The following PPP2R3B variants were observed in gnomAD, a reference collection of about 807,000 sequenced individuals.
PPP2R3B encodes the protein serine/threonine-protein phosphatase 2A regulatory subunit B'' subunit beta.
In PPP2R3B, 68 loss-of-function variants were observed where a neutral mutation model predicts 72.9. That is an observed-to-expected ratio of 0.93 (90% CI 0.77 to 1.14). The LOEUF (loss-of-function observed/expected upper bound fraction) is 1.14. PPP2R3B is among the 50% of genes most tolerant of loss of function. The pLI, the probability that PPP2R3B is intolerant of heterozygous loss-of-function variation, is 0.00. For synonymous variants in PPP2R3B, 466 were observed against 375.8 expected (o/e 1.24, Z -2.78); for missense variants, 1,018 against 842.0 (o/e 1.21, Z -2.59).
At chrX:369,402 G>A (rs2071806029) in intron 1 of PPP2R3B, among the ~76,000 whole-genome samples, 1 of 152,210 alleles carries the variant, frequency 6.6e-6, no homozygotes, top group Non-Finnish European at 1.5e-5. Flanking sequence ...AGCTATTTCT[G>A]TTGAGGGCAC....
intron 7 of PPP2R3B, 128 bp downstream of exon 7, chrX:345,388 C>CG (rs748787395): frequency 3.1e-6 from 4 of 1,297,952 alleles, no homozygotes; most frequent in Non-Finnish European, 3.2e-6. Context: ...GCGGCGAGTG[C>CG]GAAGGAGAGG....
At chrX:370,330 C>T (rs1229213148) in intron 1 of PPP2R3B, among the ~76,000 whole-genome samples, 2 of 152,172 alleles carry the variant, frequency 1.3e-5, no homozygotes, top group Non-Finnish European at 2.9e-5. Context: ...GCCGAGCAAC[C>T]GGGCCTCAAC....
rs780930997 is a variant in PPP2R3B at position 341,314 on chromosome X, G to A, written c.1168C>T (p.Pro390Ser). The change falls in exon 9 of 13, where the codon CCG (proline) becomes TCG (serine). Residue 390 changes from proline to serine, a missense_variant. Coordinates refer to ENST00000390665, the MANE Select transcript of PPP2R3B (RefSeq NM_013239.5). ...GCCGCAGCAGGAACCCACCTGGTCG[G>A]TGTTTTTTTGTCTTCCTCAGAGATC... is the stretch of plus-strand genomic sequence containing the variant. ...FLISEEDKKT[P>S]TSIEYWFRCM... 1.2e-5 allele frequency: 19 copies of A among 1,612,528 alleles called. No individual in the cohort carries two copies. Among genetic ancestry groups the A allele is most frequent in the Non-Finnish European group, 1.5e-5 (18 of 1,179,756 alleles).
At chrX:346,461 G>T (rs2071216584) in intron 5 of PPP2R3B, 2 of 629,552 alleles carry the variant, frequency 3.2e-6, no homozygotes, top group Non-Finnish European at 5.3e-6. Flanking sequence ...GGCCGGGGAC[G>T]CCCCGGAGCT....
intron 1 of PPP2R3B, among the ~76,000 whole-genome samples, chrX:384,282 CTA>C (rs57842842): frequency 2.5e-4 from 35 of 140,018 alleles, no homozygotes; most frequent in East Asian, 1.9e-3. Flanking sequence ...CTCTCTCTCT[CTA>C]TATATATATA....
At chrX:373,656 A>G in intron 1 of PPP2R3B, 1 of 266,606 alleles carries the variant, frequency 3.8e-6, no homozygotes. Context: ...GCGGAGTCGC[A>G]TGCCGCCGGC....
At position 346,443 on chromosome X, in the gene PPP2R3B, GA is replaced by G. The variant is rs2071215825; in HGVS notation, c.793-184del. The G allele has an allele frequency of 2.1e-5, 14 of 658,348 alleles. No homozygotes were observed. The South Asian group carries it at 2.6e-4, about 12-fold the overall frequency. The allele number at this position is 658,348 out of a possible 1,614,324, so 40.8% of individuals were successfully genotyped here. On this transcript the variant is annotated intron_variant, in intron 5 of 12. Coordinates refer to ENST00000390665, the MANE Select transcript of PPP2R3B (RefSeq NM_013239.5). ...GCCGCCCCAGGCCGCGGAAAGCGGG[GA>G]GGGTCTGGCCGGGGACGCCCCGGAG...
rs2071047112 is a variant in PPP2R3B at position 340,822 on chromosome X, G to A, written c.1294C>T (p.Leu432=). Reference sequence around the variant, plus strand: ...TGGCAGAGGCAGTCCTGGAAGGGCAGGGCCTCGATGGCCATGCTGTCCAGC... The same window carrying A: ...TGGCAGAGGCAGTCCTGGAAGGGCAAGGCCTCGATGGCCATGCTGTCCAGC... ...RRLDSMAIEA[L]PFQDCLCQML... The change falls in exon 10 of 13, where the codon CTG becomes TTG. Residue 432 remains leucine, a synonymous_variant. Transcript: ENST00000390665. 2 of 1,610,028 alleles carry A rather than the reference G, an allele frequency of 1.2e-6. No homozygotes were observed. The highest frequency in any genetic ancestry group is 1.7e-6 in the Non-Finnish European group (2 of 1,179,374).
rs1556133052 is a variant in PPP2R3B, at chrX:346,100, A to AGAGG, written c.879+73_879+74insCCTC. ...GGGAGGGGAGGAGGGAGGGGGGAGG[A>AGAGG]GGGAAGGGAAGGGAGTGGAGGTAGG... On this transcript the variant is annotated intron_variant, in intron 6 of 12. Coordinates refer to ENST00000390665, the MANE Select transcript of PPP2R3B (RefSeq NM_013239.5). 1.5e-5 allele frequency: 10 copies of AGAGG among 656,386 alleles called. 2 individuals carry two copies. Among genetic ancestry groups the AGAGG allele is most frequent in the Middle Eastern group, 8.1e-4 (2 of 2,462 alleles). 40.7% of individuals were successfully genotyped at this position (656,386 alleles called of 1,614,324 possible). A position where few individuals can be genotyped will look rare whatever the true frequency, so the allele number is the denominator to read the frequency against.
intron 2 of PPP2R3B, among the ~76,000 whole-genome samples, chrX:354,248 GGGGGCTCACCCAAACACCA>G (rs1285457556): frequency 1.4e-4 from 8 of 56,122 alleles, no homozygotes; most frequent in African/African-American, 3.8e-4. Context: ...CCCAAACACT[GGGGGCTCACCCAAACACCA>G]GGGGCTCACC....
chrX:378,327 C>T (rs772543810), intron 1 of PPP2R3B, among the ~76,000 whole-genome samples: 1 of 152,350 alleles, frequency 6.6e-6, no homozygotes, highest in East Asian at 1.9e-4. Context: ...AATCTCTTCA[C>T]TTTTCATTCT....
chrX:382,601 G>T (rs2072151259), intron 1 of PPP2R3B, among the ~76,000 whole-genome samples: 1 of 152,152 alleles, frequency 6.6e-6, no homozygotes. Flanking sequence ...CTCCAGGAGA[G>T]AAATGATGTC....
intron 1 of PPP2R3B, among the ~76,000 whole-genome samples, chrX:363,778 C>G (rs147796978): frequency 6.6e-6 from 1 of 151,820 alleles, no homozygotes; most frequent in Non-Finnish European, 1.5e-5. Flanking sequence ...ACTGTGGAGC[C>G]TGCGGCTCTT....
intron 1 of PPP2R3B, among the ~76,000 whole-genome samples, chrX:371,826 A>G (rs1022437779): frequency 7.3e-5 from 9 of 123,002 alleles, no homozygotes; most frequent in African/African-American, 2.5e-4. Context: ...CACCCCCACA[A>G]ATACCCCCAA....
At chrX:350,081 G>T (rs1355714484) in intron 2 of PPP2R3B, among the ~76,000 whole-genome samples, 1 of 152,212 alleles carries the variant, frequency 6.6e-6, no homozygotes, top group Non-Finnish European at 1.5e-5. Context: ...GTGGATATGA[G>T]TCCCACTGCC....
Position 334,184 on chromosome X carries a change from A to C in PPP2R3B, c.*183T>G. ...GCGCGGCCCTACGTGTCCCCCTGGC[A>C]CAGAGCTCTGGGCAGGTCCAGCCAC... is the stretch of plus-strand genomic sequence containing the variant. On this transcript the variant is annotated 3_prime_UTR_variant, in exon 13 of 13. Transcript: ENST00000390665. 3.1e-6 allele frequency: 2 copies of C among 636,302 alleles called. No homozygotes were observed. Among genetic ancestry groups the C allele is most frequent in the African/African-American group, 2.0e-5 (1 of 51,026 alleles). 39.4% of individuals were successfully genotyped at this position (636,302 alleles called of 1,614,324 possible).
At chrX:381,591 ATCTTTTTTTTTT>A (rs1372527655) in intron 1 of PPP2R3B, among the ~76,000 whole-genome samples, 107 of 132,472 alleles carry the variant, frequency 8.1e-4, no homozygotes, top group Non-Finnish European at 1.4e-3. Context: ...GAACAAGCTC[ATCTTTTTTTTTT>A]TTTTTTTTTT....
chrX:346,316 C>CGCACGGAGACCGGGA, intron 5 of PPP2R3B, 56 bp from the exon 6 acceptor site: 1 of 1,503,764 alleles, frequency 6.6e-7, no homozygotes, highest in East Asian at 2.5e-5. Context: ...AGCCTCGCCC[C>CGCACGGAGACCGGGA]GCACGGAGAC....
Position 361,501 on chromosome X carries a change from G to A in PPP2R3B, c.414C>T (p.Ser138=), listed in dbSNP as rs769636593. The A allele has an allele frequency of 8.6e-5, 139 of 1,613,898 alleles. No individual in the cohort carries two copies. The highest frequency in any genetic ancestry group is 3.3e-4 in the Middle Eastern group (2 of 6,078). The stretch of plus-strand genomic sequence containing the variant: ...TGCTGATGACGGCATCCACGTTGAC[G>A]GAGTCCTGCGGGCGTCCTCTGGGGA... ...FYFPRGRPQD[S]VNVDAVISKI... is the part of the protein sequence containing the mutation. The change falls in exon 2 of 13, where the codon TCC becomes TCT. Residue 138 remains serine (S), a synonymous_variant. Transcript: ENST00000390665.
Sources: allele counts gnomAD v4.1 joint callset (sites outside exome capture counted in the v4.1 genomes callset), GRCh38; gene constraint gnomAD v4.1.1; transcripts MANE v1.5; gene names NCBI Gene and HGNC (gene_info 2026-07-23, HGNC 2026-07-21).